The following DOCK2 variants were observed in gnomAD, a reference collection of about 807,000 sequenced individuals.
DOCK2 encodes the protein dedicator of cytokinesis protein 2.
A neutral mutation model predicts 248.9 loss-of-function variants in DOCK2; 87 were observed. That is an observed-to-expected ratio of 0.35 (90% CI 0.29 to 0.42). DOCK2 has a LOEUF of 0.42. Ranked by LOEUF, DOCK2 falls within the 10% of genes least tolerant of loss-of-function variation. The pLI is 1.00. For missense variants in DOCK2, 1,747 were observed against 2,300.2 expected, an observed-to-expected ratio of 0.76 and a Z score of 4.92; for synonymous variants, 805 against 821.6, an observed-to-expected ratio of 0.98 and a Z score of 0.35.
chr5:170,003,215 G>A (rs968195373), intron 30 of DOCK2, among the ~76,000 whole-genome samples: 4 of 152,228 alleles, frequency 2.6e-5, no homozygotes, highest in African/African-American at 9.6e-5. Flanking sequence ...TATTGATCCA[G>A]TAATTACAAC....
chr5:169,736,453 G>C (rs1318660325), intron 22 of DOCK2, among the ~76,000 whole-genome samples: 1 of 152,166 alleles, frequency 6.6e-6, no homozygotes, highest in Admixed American at 6.5e-5. Flanking sequence ...GTAAGTGTTA[G>C]AATGTGACCT....
chr5:170,039,767 G>A (rs1756451664), intron 36 of DOCK2, among the ~76,000 whole-genome samples: 1 of 152,200 alleles, frequency 6.6e-6, no homozygotes. Flanking sequence ...GCATTGAGTG[G>A]AGATACCCGA....
chr5:170,028,770 C>T (rs917355136), intron 34 of DOCK2, among the ~76,000 whole-genome samples: 7 of 151,746 alleles, frequency 4.6e-5, no homozygotes, highest in South Asian at 2.1e-4. Flanking sequence ...CACACACACG[C>T]GTGCGCACAC....
chr5:169,720,924 A>G (rs566695197), intron 22 of DOCK2, among the ~76,000 whole-genome samples: 1 of 152,194 alleles, frequency 6.6e-6, no homozygotes, highest in African/African-American at 2.4e-5. Context: ...GGGTTTCACC[A>G]TGTTGGCCAG....
At chr5:169,998,988 T>C (rs1449054382) in intron 30 of DOCK2, among the ~76,000 whole-genome samples, 5 of 152,142 alleles carry the variant, frequency 3.3e-5, no homozygotes, top group Non-Finnish European at 5.9e-5. Context: ...GGGCCAGAGG[T>C]GACAGGGTTT....
intron 27 of DOCK2, among the ~76,000 whole-genome samples, chr5:169,846,337 T>C (rs570658380): frequency 6.6e-6 from 1 of 152,190 alleles, no homozygotes; most frequent in African/African-American, 2.4e-5. Flanking sequence ...GATTTCTTGT[T>C]GGGCTTAGGG....
intron 1 of DOCK2, among the ~76,000 whole-genome samples, chr5:169,637,898 G>A (rs916097247): frequency 6.6e-6 from 1 of 152,138 alleles, no homozygotes; most frequent in African/African-American, 2.4e-5. Flanking sequence ...CTGGACGGTG[G>A]GGTTCTCTAC....
intron 27 of DOCK2, among the ~76,000 whole-genome samples, chr5:169,953,769 C>T (rs1454506534): frequency 5.3e-5 from 8 of 152,120 alleles, no homozygotes; most frequent in Non-Finnish European, 8.8e-5. Flanking sequence ...GTTTTCTCCT[C>T]GGGAGACACC....
At chr5:169,911,148 A>G (rs1179570697) in intron 27 of DOCK2, among the ~76,000 whole-genome samples, 2 of 151,918 alleles carry the variant, frequency 1.3e-5, no homozygotes, top group African/African-American at 4.8e-5. Context: ...TTATTTTATT[A>G]TTTTTCACTG....
At chr5:169,717,613 A>G (rs1445666478) in intron 21 of DOCK2, 129 bp downstream of exon 21, 4 of 818,946 alleles carry the variant, frequency 4.9e-6, no homozygotes, top group Non-Finnish European at 8.1e-6. Context: ...CTCTAACAAA[A>G]TCTAACCTAT....
At chr5:169,836,282 A>G (rs935652564) in intron 26 of DOCK2, among the ~76,000 whole-genome samples, 6 of 152,240 alleles carry the variant, frequency 3.9e-5, no homozygotes, top group Non-Finnish European at 7.3e-5. Context: ...CTGGTTCAAA[A>G]GTATTCAGGC....
At chr5:170,003,857 A>G (rs1754924996) in intron 30 of DOCK2, among the ~76,000 whole-genome samples, 1 of 152,242 alleles carries the variant, frequency 6.6e-6, no homozygotes, top group Non-Finnish European at 1.5e-5. Context: ...TAAGAGCGCT[A>G]CACAGAGCCA....
intron 27 of DOCK2, among the ~76,000 whole-genome samples, chr5:169,930,732 C>T (rs1261225749): frequency 2.0e-5 from 3 of 152,190 alleles, no homozygotes; most frequent in Non-Finnish European, 2.9e-5. Context: ...TCTACATCTT[C>T]GCCCTTTGAG....
chr5:169,792,163 G>A (rs1373654882), intron 25 of DOCK2, among the ~76,000 whole-genome samples: 1 of 152,128 alleles, frequency 6.6e-6, no homozygotes, highest in Non-Finnish European at 1.5e-5. Context: ...TGTGGGAGGT[G>A]CTGACCAATC....
At chr5:169,691,488 T>C (rs1760300069) in intron 9 of DOCK2, among the ~76,000 whole-genome samples, 1 of 152,222 alleles carries the variant, frequency 6.6e-6, no homozygotes. Context: ...GTGAGTGCTT[T>C]CATGGTGCAG....
chr5:169,858,850 AT>A (rs200512476), intron 27 of DOCK2, among the ~76,000 whole-genome samples: 5 of 152,006 alleles, frequency 3.3e-5, no homozygotes, highest in Admixed American at 6.5e-5. Flanking sequence ...GAAAATAATT[AT>A]TTTAAAAAAA....
At chr5:170,074,462 A>G (rs1007959420) in intron 46 of DOCK2, among the ~76,000 whole-genome samples, 3 of 152,202 alleles carry the variant, frequency 2.0e-5, no homozygotes, top group African/African-American at 7.2e-5. Flanking sequence ...GCAACTGGGT[A>G]GCATTGCTGT....
chr5:170,057,344 AC>A (rs1757166909), intron 43 of DOCK2: 1 of 570,686 alleles, frequency 1.8e-6, no homozygotes, highest in Admixed American at 3.0e-5. Context: ...CTGCTAATAA[AC>A]CCAGGTTAGT....
At chr5:169,928,424 A>G (rs1200310290) in intron 27 of DOCK2, among the ~76,000 whole-genome samples, 1 of 152,248 alleles carries the variant, frequency 6.6e-6, no homozygotes, top group African/African-American at 2.4e-5. Flanking sequence ...GTTTTCACGT[A>G]GTCAGGCAGG....
Sources: gnomAD v4.1 joint callset for allele counts (sites outside exome capture counted in the v4.1 genomes callset) on GRCh38, gnomAD v4.1.1 for gene constraint, MANE v1.5 for transcripts, NCBI Gene and HGNC (gene_info 2026-07-23, HGNC 2026-07-21) for gene names.